ALCAM: variants seen among roughly 807,000 people sequenced by gnomAD.
ALCAM encodes CD166 antigen.
In ALCAM, 30 loss-of-function variants were observed where a neutral mutation model predicts 70.9. The ratio of observed to expected loss-of-function variants is 0.42; its 90% CI spans 0.32 to 0.57. The LOEUF (loss-of-function observed/expected upper bound fraction) is 0.57, where lower values mean the gene tolerates loss of function less well. ALCAM is among the 20% of genes least tolerant of loss of function. The pLI is 0.11. For missense variants in ALCAM, 591 were observed against 695.1 expected, an observed-to-expected ratio of 0.85 and a Z score of 1.68; for synonymous variants, 249 against 242.5, an observed-to-expected ratio of 1.03 and a Z score of -0.25.
chr3:105,433,321 G>C (rs1936979442), intron 1 of ALCAM, among the ~76,000 whole-genome samples: 1 of 152,060 alleles, frequency 6.6e-6, no homozygotes, highest in Non-Finnish European at 1.5e-5. Flanking sequence ...CATTCTGGTA[G>C]TTCAGGCAAA....
chr3:105,540,005 T>C lies in ALCAM; in HGVS notation c.761T>C (p.Leu254Pro), dbSNP rs1455965013. 2 of 1,612,570 alleles carry C rather than the reference T, an allele frequency of 1.2e-6. No individual in the cohort carries two copies. The highest frequency in any genetic ancestry group is 2.2e-5 in the South Asian group (2 of 91,024). The change falls in exon 7 of 16, where the codon CTG becomes CCG. Residue 254 changes from leucine (L) to proline (P), a missense_variant. This residue lies in a region of ALCAM where 427 missense variants were observed against 450.4 expected (regional missense o/e 0.95). Transcript: ENST00000306107. The part of the protein sequence containing the change: ...YPTEQVTIQV[L>P]PPKNAIKEGD... ...ACAGAGCAGGTGACAATACAAGTGC[T>C]GCCACCAAAAAATGCCATCAAAGAA...
At chr3:105,464,719 A>T (rs1325442799) in intron 1 of ALCAM, among the ~76,000 whole-genome samples, 1 of 151,500 alleles carries the variant, frequency 6.6e-6, no homozygotes, top group Non-Finnish European at 1.5e-5. Context: ...TGCAGATAAT[A>T]TTATGGTGGA....
At chr3:105,432,062 T>A (rs1224557331) in intron 1 of ALCAM, among the ~76,000 whole-genome samples, 1 of 152,104 alleles carries the variant, frequency 6.6e-6, no homozygotes, top group Non-Finnish European at 1.5e-5. Context: ...CCATATACAT[T>A]TATGACAGAA....
chr3:105,416,586 C>T (rs1461721718), intron 1 of ALCAM, among the ~76,000 whole-genome samples: 1 of 151,858 alleles, frequency 6.6e-6, no homozygotes, highest in Non-Finnish European at 1.5e-5. Context: ...TGCAATTGCT[C>T]CGTATTGCTC....
chr3:105,540,363 A>G (rs147654520), intron 7 of ALCAM, among the ~76,000 whole-genome samples: 1 of 152,140 alleles, frequency 6.6e-6, no homozygotes, highest in East Asian at 1.9e-4. Flanking sequence ...AATTATCCAA[A>G]TAAACTTTAA....
chr3:105,415,699 T>C (rs1175778426), intron 1 of ALCAM, among the ~76,000 whole-genome samples: 1 of 152,110 alleles, frequency 6.6e-6, no homozygotes, highest in Non-Finnish European at 1.5e-5. Context: ...CTGTGCCCTC[T>C]TTCTTTTCAA....
rs749374177 is a variant in ALCAM, at chr3:105,520,140, G to A, written c.147G>A (p.Gln49=). Residue 49 remains glutamine (Q), a synonymous_variant, in exon 2 of 16, where the codon CAG becomes CAA. Coordinates refer to ENST00000306107, the MANE Select transcript of ALCAM (RefSeq NM_001627.4). Reference sequence around the variant, plus strand: ...TACCTTGCCGACTTGACGTACCTCAGAATCTCATGTTTGGCAAATGGAAAT... The same window carrying A: ...TACCTTGCCGACTTGACGTACCTCAAAATCTCATGTTTGGCAAATGGAAAT... The part of the protein sequence containing the change: ...IIIPCRLDVP[Q]NLMFGKWKYE... 6.2e-7 allele frequency: 1 copy of A among 1,612,536 alleles called. No individual in the cohort carries two copies. Among genetic ancestry groups the A allele is most frequent in the South Asian group, 1.1e-5 (1 of 91,034 alleles).
intron 1 of ALCAM, among the ~76,000 whole-genome samples, chr3:105,451,109 A>G (rs1268747643): frequency 1.3e-5 from 2 of 151,432 alleles, no homozygotes; most frequent in Non-Finnish European, 3.0e-5. Flanking sequence ...AAAATAAAGG[A>G]AAAAAAAATC....
At chr3:105,379,517 A>C (rs114812079) in intron 1 of ALCAM, among the ~76,000 whole-genome samples, 2,342 of 151,926 alleles carry the variant, frequency 0.015, 27 homozygotes, top group Middle Eastern at 0.048. Flanking sequence ...TTATAAAGAC[A>C]TATGTAATGC....
intron 1 of ALCAM, among the ~76,000 whole-genome samples, chr3:105,409,488 T>C (rs1936332661): frequency 1.3e-5 from 2 of 152,084 alleles, no homozygotes; most frequent in African/African-American, 4.8e-5. Context: ...TTTTCACTCA[T>C]ATGTGGGAGC....
chr3:105,492,183 A>C (rs1428424128), intron 1 of ALCAM, among the ~76,000 whole-genome samples: 1 of 152,170 alleles, frequency 6.6e-6, no homozygotes, highest in Non-Finnish European at 1.5e-5. Context: ...TTATAAAAGC[A>C]TCGGACCTCA....
intron 1 of ALCAM, among the ~76,000 whole-genome samples, chr3:105,509,110 T>G (rs1576210131): frequency 6.6e-6 from 1 of 152,280 alleles, no homozygotes; most frequent in South Asian, 2.1e-4. Flanking sequence ...TTATTTATCC[T>G]TTCATCCATA....
chr3:105,558,443 C>T (rs1226525745), intron 14 of ALCAM, among the ~76,000 whole-genome samples: 1 of 151,962 alleles, frequency 6.6e-6, no homozygotes, highest in African/African-American at 2.4e-5. Context: ...ATGATACCAG[C>T]CAGATTGTGA....
At chr3:105,445,288 A>G (rs983298900) in intron 1 of ALCAM, among the ~76,000 whole-genome samples, 9 of 152,158 alleles carry the variant, frequency 5.9e-5, no homozygotes, top group African/African-American at 2.2e-4. Flanking sequence ...CTGAGAGATC[A>G]ATACACTAAA....
At chr3:105,549,394 C>A (rs1298634840) in intron 11 of ALCAM, among the ~76,000 whole-genome samples, 5 of 151,356 alleles carry the variant, frequency 3.3e-5, no homozygotes, top group South Asian at 2.1e-4. Flanking sequence ...GAGGAGAAAG[C>A]AAACAATATA....
chr3:105,553,835 A>G (rs1940463582), intron 14 of ALCAM, among the ~76,000 whole-genome samples: 1 of 151,948 alleles, frequency 6.6e-6, no homozygotes, highest in African/African-American at 2.4e-5. Context: ...CAGAATTGTT[A>G]TTTGATTTAA....
At chr3:105,389,167 C>A (rs1385771158) in intron 1 of ALCAM, among the ~76,000 whole-genome samples, 1 of 151,294 alleles carries the variant, frequency 6.6e-6, no homozygotes, top group East Asian at 1.9e-4. Context: ...ACAAATATGA[C>A]ACATTCAAAC....
chr3:105,515,892 C>T (rs1939368015), intron 1 of ALCAM, among the ~76,000 whole-genome samples: 1 of 151,920 alleles, frequency 6.6e-6, no homozygotes, highest in African/African-American at 2.4e-5. Context: ...TTCTATCTGC[C>T]TCCTCAGGGA....
chr3:105,404,036 C>G (rs541912172), intron 1 of ALCAM, among the ~76,000 whole-genome samples: 1 of 150,648 alleles, frequency 6.6e-6, no homozygotes, highest in Non-Finnish European at 1.5e-5. Context: ...CTGTCAAAAA[C>G]AAAGAAAAAG....
Sources: allele counts gnomAD v4.1 joint callset (sites outside exome capture counted in the v4.1 genomes callset), GRCh38; gene constraint gnomAD v4.1.1; regional missense constraint gnomAD v4.1.1; transcripts MANE v1.5; gene names NCBI Gene and HGNC (gene_info 2026-07-23, HGNC 2026-07-21).